Variants in PPP2R5C observed in about 807,000 individuals in gnomAD.
The protein encoded by PPP2R5C is serine/threonine-protein phosphatase 2A 56 kDa regulatory subunit gamma isoform.
A neutral mutation model predicts 68.9 loss-of-function variants in PPP2R5C; 7 were observed. The observed-to-expected ratio is 0.10, with a 90% CI of 0.06 to 0.19. The LOEUF (loss-of-function observed/expected upper bound fraction) is 0.19. Ranked by LOEUF, PPP2R5C falls within the 10% of genes least tolerant of loss-of-function variation. The pLI, the probability that PPP2R5C is intolerant of heterozygous loss-of-function variation, is 1.00. For missense variants in PPP2R5C, 348 were observed against 641.3 expected (o/e 0.54, Z 4.94); for synonymous variants, 210 against 222.2 (o/e 0.95, Z 0.49).
Position 101,882,875 on chromosome 14 carries a change from T to G in PPP2R5C, c.406-382T>G, listed in dbSNP as rs1414545168. 5.6e-6 allele frequency: 1 copy of G among 179,172 alleles called. No homozygotes were observed. The highest frequency in any genetic ancestry group is 1.2e-5 in the Non-Finnish European group (1 of 86,216). The allele number at this position is 179,172 out of a possible 1,614,324, so 11.1% of individuals were successfully genotyped here. Reference sequence around the variant, plus strand: ...GGCAGCCCCAGAGTTCCTGTGTATTTGGTTGGCTCTGCGCCTTGGCATTGT... The same window carrying G: ...GGCAGCCCCAGAGTTCCTGTGTATTGGGTTGGCTCTGCGCCTTGGCATTGT... On this transcript the variant is annotated intron_variant, in intron 3 of 13. Transcript: ENST00000334743. The surrounding 1 kb of genome is among the most constrained non-coding windows in gnomAD (Gnocchi z 4.9).
At chr14:101,769,457 G>A (rs918618270) in intron 2 of PPP2R5C, among the ~76,000 whole-genome samples, 1 of 152,164 alleles carries the variant, frequency 6.6e-6, no homozygotes, top group African/African-American at 2.4e-5. Flanking sequence ...CTTGAAGTCA[G>A]TTAGGTTGCT....
intron 2 of PPP2R5C, among the ~76,000 whole-genome samples, chr14:101,783,649 G>A (rs749344401): frequency 3.4e-4 from 51 of 152,164 alleles, no homozygotes; most frequent in Non-Finnish European, 6.0e-4. Flanking sequence ...TGGCAGTCAA[G>A]ACCCATGGAC....
At chr14:101,817,074 C>T (rs2039765642) in intron 1 of PPP2R5C, among the ~76,000 whole-genome samples, 1 of 150,778 alleles carries the variant, frequency 6.6e-6, no homozygotes, top group Non-Finnish European at 1.5e-5. Flanking sequence ...TCCACTGCCT[C>T]AGCCTCTCAA....
intron 1 of PPP2R5C, chr14:101,818,603 CAGCCTGGGCAGCAG>C (rs2039858665): frequency 5.8e-6 from 1 of 172,718 alleles, no homozygotes. Flanking sequence ...CACTGCACAC[CAGCCTGGGCAGCAG>C]AGTGAGACTC....
chr14:101,879,043 G>A lies in PPP2R5C; in HGVS notation c.295-3118G>A, dbSNP rs572873671. Among the ~76,000 whole-genome samples the A allele has an allele frequency of 6.6e-6, 1 of 152,226 alleles. No individual in the cohort carries two copies. Among genetic ancestry groups the A allele is most frequent in the Admixed American group, 6.5e-5 (1 of 15,286 alleles). On this transcript the variant is annotated intron_variant, in intron 2 of 13. Transcript: ENST00000334743. This position sits in a 1 kb window ranked among gnomAD's most constrained non-coding sequence, Gnocchi z 4.2. ...TCCCTGGTCACAGAAATCCAATCTA[G>A]GTTAAAGCTTTCATCTCAGACCCTC...
chr14:101,762,193 G>A (rs1341695338), intron 1 of PPP2R5C, among the ~76,000 whole-genome samples: 1 of 152,002 alleles, frequency 6.6e-6, no homozygotes, highest in Non-Finnish European at 1.5e-5. Flanking sequence ...GGGCGTGGAG[G>A]GAGGGCGCGG....
chr14:101,775,964 A>C (rs1404434588), intron 2 of PPP2R5C, among the ~76,000 whole-genome samples: 1 of 151,528 alleles, frequency 6.6e-6, no homozygotes, highest in Non-Finnish European at 1.5e-5. Flanking sequence ...CTTCCTCTTT[A>C]TTCCCGTAGC....
intron 1 of PPP2R5C, among the ~76,000 whole-genome samples, chr14:101,846,339 TA>T (rs2041829023): frequency 6.6e-6 from 1 of 152,204 alleles, no homozygotes; most frequent in Non-Finnish European, 1.5e-5. Context: ...AAACCATTTT[TA>T]AAGAATTACC....
chr14:101,786,034 A>C (rs2038075794), exon 3 of PPP2R5C: 2 of 1,527,342 alleles, frequency 1.3e-6, no homozygotes, highest in South Asian at 2.5e-5. Context: ...TCCGTCAGGA[A>C]AAACAGCCTT....
intron 2 of PPP2R5C, among the ~76,000 whole-genome samples, chr14:101,769,637 G>GT (rs1435060126): frequency 3.9e-5 from 6 of 151,904 alleles, no homozygotes; most frequent in African/African-American, 1.5e-4. Context: ...TGGTACTTAG[G>GT]TTTTTTTCTA....
intron 1 of PPP2R5C, among the ~76,000 whole-genome samples, chr14:101,810,637 G>A (rs2039307229): frequency 6.6e-6 from 1 of 152,168 alleles, no homozygotes; most frequent in South Asian, 2.1e-4. Flanking sequence ...TAGCGTTTTC[G>A]TGGAATATTA....
intron 13 of PPP2R5C, among the ~76,000 whole-genome samples, chr14:101,920,176 A>C (rs2046935863): frequency 6.6e-6 from 1 of 152,216 alleles, no homozygotes; most frequent in South Asian, 2.1e-4. Context: ...CTTGATCAAG[A>C]ATGCAAACCA....
chr14:101,923,860 ATG>A (rs1223245025), intron 13 of PPP2R5C, among the ~76,000 whole-genome samples: 6 of 119,584 alleles, frequency 5.0e-5, no homozygotes, highest in Admixed American at 4.5e-4. Flanking sequence ...GCGAAGGAAA[ATG>A]TATTTTACAT....
chr14:101,870,866 T>A (rs1041904109), intron 2 of PPP2R5C, among the ~76,000 whole-genome samples: 1 of 152,202 alleles, frequency 6.6e-6, no homozygotes, highest in Non-Finnish European at 1.5e-5. Flanking sequence ...GTATTTTGGT[T>A]TTTGGTTGTC....
intron 1 of PPP2R5C, among the ~76,000 whole-genome samples, chr14:101,830,748 A>G (rs936024946): frequency 6.6e-6 from 1 of 152,214 alleles, no homozygotes; most frequent in Non-Finnish European, 1.5e-5. Context: ...AAAGATGTAA[A>G]TAGAAAATTC....
intron 1 of PPP2R5C, among the ~76,000 whole-genome samples, chr14:101,852,816 T>C (rs968640693): frequency 3.3e-5 from 5 of 152,186 alleles, no homozygotes; most frequent in Non-Finnish European, 5.9e-5. Flanking sequence ...TCATTTTGGA[T>C]GCCCTGGGTC....
intron 1 of PPP2R5C, 133 bp downstream of exon 1, chr14:101,762,053 G>C: frequency 1.0e-6 from 1 of 960,606 alleles, no homozygotes; most frequent in Non-Finnish European, 1.3e-6. Context: ...GCGTCCCCGA[G>C]GGCGGCCGAG....
At chr14:101,832,441 T>G (rs1041910435) in intron 1 of PPP2R5C, among the ~76,000 whole-genome samples, 3 of 152,272 alleles carry the variant, frequency 2.0e-5, no homozygotes, top group Non-Finnish European at 4.4e-5. Context: ...AAAAAGTGTA[T>G]CCATTTAAAG....
intron 1 of PPP2R5C, among the ~76,000 whole-genome samples, chr14:101,826,710 CTCTT>C (rs1566876835): frequency 6.6e-6 from 1 of 151,996 alleles, no homozygotes; most frequent in East Asian, 1.9e-4. Context: ...TGTTCCTTGT[CTCTT>C]TCTTCTAATT....
Sources: gnomAD v4.1 joint callset for allele counts (sites outside exome capture counted in the v4.1 genomes callset) on GRCh38, gnomAD v4.1.1 for gene constraint, Gnocchi (gnomAD v3.1) non-coding constraint, MANE v1.5 for transcripts, NCBI Gene and HGNC (gene_info 2026-07-23, HGNC 2026-07-21) for gene names.